Variants in THYN1 observed in about 807,000 individuals in gnomAD.
The protein encoded by THYN1 is thymocyte nuclear protein 1.
THYN1 carries 32 observed loss-of-function variants against 30.6 expected under a neutral mutation model. The observed-to-expected ratio is 1.05, with a 90% confidence interval of 0.79 to 1.40. The LOEUF (loss-of-function observed/expected upper bound fraction) is 1.40. Ranked by LOEUF, THYN1 falls within the 40% of genes most tolerant of loss-of-function variation. THYN1 has a pLI of 0.00. For synonymous variants in THYN1, 107 were observed against 90.8 expected (o/e 1.18, Z -1.01); for missense variants, 259 against 272.6 (o/e 0.95, Z 0.35).
At chr11:134,252,642 C>T (rs186105547) in intron 1 of THYN1, among the ~76,000 whole-genome samples, 198 bp downstream of exon 1, 1 of 152,174 alleles carries the variant, frequency 6.6e-6, no homozygotes, top group African/African-American at 2.4e-5. Flanking sequence ...ACAACCATTG[C>T]CTGAATAAAC....
At chr11:134,251,569 A>G (rs1939053564) in intron 1 of THYN1, 2 of 381,238 alleles carry the variant, frequency 5.2e-6, no homozygotes, top group Non-Finnish European at 9.3e-6. Flanking sequence ...AGGTCCGGAC[A>G]GTAGTCAATA....
In THYN1 at chr11:134,250,334, C is replaced by T. The variant is rs1430643526; in HGVS notation, c.232G>A (p.Glu78Lys). The T allele has an allele frequency of 2.5e-6, 4 of 1,614,040 alleles. No individual in the cohort carries two copies. Among genetic ancestry groups the T allele is most frequent in the Non-Finnish European group, 3.4e-6 (4 of 1,180,028 alleles). The change falls in exon 3 of 7, where the codon GAG becomes AAG. Residue 78 changes from glutamate (E) to lysine (K), a missense_variant. Glu to Lys is a moderately conservative substitution (Grantham distance 56). Transcript: ENST00000341541. ...EKGVDVKFSI[E>K]DLKAQPKQTT... is the part of the protein sequence containing the mutation. The stretch of plus-strand genomic sequence containing the variant: ...TGTTTGGGCTGTGCTTTGAGATCCT[C>T]AATGCTGAACTAGGCAAGAGGAAAT...
chr11:134,249,028 G>A (rs147965930), intron 5 of THYN1, 69 bp from the exon 6 acceptor site: 170 of 1,589,950 alleles, frequency 1.1e-4, no homozygotes, highest in Middle Eastern at 5.0e-4. Flanking sequence ...ATTTTTAACC[G>A]CCCACAGGAA....
Position 134,248,809 on chromosome 11 carries a change from C to A in THYN1, c.631G>T (p.Glu211Ter). 2 of 1,614,038 alleles carry A rather than the reference C, an allele frequency of 1.2e-6. No homozygotes were observed. Among genetic ancestry groups the A allele is most frequent in the Non-Finnish European group, 8.5e-7 (1 of 1,179,932 alleles). ...QRLSIQPLTQ[E>*]EFDFVLSLEE... is the part of the protein sequence containing the mutation. ...AATAAAGGAGAGGGCCCACTCTTAC[C>A]CTGGGTCAGGGGCTGGATTGATAAT... The change falls in exon 6 of 7, where the codon GAA (glutamate) becomes TAA (stop). Residue 211 changes from glutamate to a stop codon, truncating the protein, a stop_gained and splice_region_variant. Coordinates refer to ENST00000341541, the MANE Select transcript of THYN1 (RefSeq NM_014174.3). LOFTEE classifies it high-confidence loss of function.
At chr11:134,250,208 C>A in intron 3 of THYN1, 67 bp downstream of exon 3, 1 of 1,562,142 alleles carries the variant, frequency 6.4e-7, no homozygotes, top group Non-Finnish European at 8.8e-7. Context: ...CTACTGAGTA[C>A]GTCATGAGGA....
At position 134,248,483 on chromosome 11, in the gene THYN1, T is replaced by A; in HGVS notation, c.633A>T (p.Glu211Asp). Residue 211 changes from glutamate to aspartate, a missense_variant and splice_region_variant, in exon 7 of 7, where the codon GAA becomes GAT. Transcript: ENST00000341541. ...QRLSIQPLTQEEFDFVLSLEE... is the reference protein window; with the variant it reads ...QRLSIQPLTQDEFDFVLSLEE... The stretch of plus-strand genomic sequence containing the variant: ...CCAGGCTCAAAACAAAATCAAACTC[T>A]TCTACAAAAAAAAAAGGGAAAAAGG... 1 of 1,611,576 alleles carries A rather than the reference T, an allele frequency of 6.2e-7. No homozygotes were observed. Among genetic ancestry groups the A allele is most frequent in the Non-Finnish European group, 8.5e-7 (1 of 1,179,332 alleles).
rs1327079039 is a variant in THYN1, at chr11:134,251,135, C to T, written c.217G>A (p.Val73Met). The T allele has an allele frequency of 1.2e-6, 2 of 1,611,166 alleles. No individual in the cohort carries two copies. Among genetic ancestry groups the T allele is most frequent in the Non-Finnish European group, 1.7e-6 (2 of 1,179,020 alleles). Residue 73 changes from valine to methionine, a missense_variant, in exon 2 of 7, where the codon GTG becomes ATG. Transcript: ENST00000341541. The stretch of plus-strand genomic sequence containing the variant: ...AGACAGGTCAAGGGTCTCACCTTCA[C>T]ATCTACACCTTTCTCTAGGCGGCTC... ...PESRLEKGVDVKFSIEDLKAQ... is the reference protein window; with the variant it reads ...PESRLEKGVDMKFSIEDLKAQ...
chr11:134,248,776 A>T, intron 6 of THYN1, 33 bp downstream of exon 6: 1 of 1,612,626 alleles, frequency 6.2e-7, no homozygotes, highest in South Asian at 1.1e-5. Context: ...TCATTCTGGT[A>T]TATGGACAAT....
intron 1 of THYN1, chr11:134,251,801 G>A (rs1468662957): frequency 6.6e-6 from 1 of 152,502 alleles, no homozygotes; most frequent in African/African-American, 2.4e-5. Context: ...TCTGCTCCTT[G>A]AAGGTGCCAA....
At chr11:134,249,944 A>G (rs771981066) in intron 3 of THYN1, 24 bp from the exon 4 acceptor site, 7 of 1,603,310 alleles carry the variant, frequency 4.4e-6, no homozygotes, top group Admixed American at 1.7e-5. Context: ...AGAAAGAGTA[A>G]CTATCCTCCC....
rs1939212460 is a variant in THYN1, at chr11:134,253,231, T to C, written c.-349A>G. The C allele has an allele frequency of 3.8e-6, 5 of 1,322,986 alleles. No individual in the cohort carries two copies. In the Admixed American group the frequency reaches 1.8e-4, roughly 49 times the overall value. The allele number at this position is 1,322,986 out of a possible 1,614,324, so 82.0% of individuals were successfully genotyped here. On this transcript the variant is annotated 5_prime_UTR_variant, in exon 1 of 7. Coordinates refer to ENST00000341541, the MANE Select transcript of THYN1 (RefSeq NM_014174.3). ...TATAAGTAAGCCTTGTGTTACCTTGTTATCCTTGCTAATTAGGATCAACTG... is the reference window on the plus strand; with the variant it reads ...TATAAGTAAGCCTTGTGTTACCTTGCTATCCTTGCTAATTAGGATCAACTG...
At chr11:134,251,419 C>T (rs755203012) in intron 1 of THYN1, 111 bp from the exon 2 acceptor site, 24 of 1,219,130 alleles carry the variant, frequency 2.0e-5, no homozygotes, top group South Asian at 7.4e-5. Flanking sequence ...GGATCCATTA[C>T]CAGCTGTAGG....
intron 1 of THYN1, among the ~76,000 whole-genome samples, chr11:134,252,602 A>T (rs1202063982): frequency 6.6e-6 from 1 of 152,210 alleles, no homozygotes; most frequent in Non-Finnish European, 1.5e-5. Context: ...TTAGCACGCC[A>T]CCTGGTATCT....
intron 3 of THYN1, 62 bp downstream of exon 3, chr11:134,250,213 T>C (rs2136060698): frequency 6.3e-7 from 1 of 1,580,894 alleles, no homozygotes; most frequent in Non-Finnish European, 8.7e-7. Flanking sequence ...GAGTACGTCA[T>C]GAGGAGGAGG....
rs764265697 is a variant in THYN1 at position 134,252,892 on chromosome 11, G to A, written c.-10C>T. The A allele has an allele frequency of 6.3e-7, 1 of 1,589,090 alleles. No homozygotes were observed. Among genetic ancestry groups the A allele is most frequent in the African/African-American group, 1.4e-5 (1 of 72,976 alleles). ...TCCGGGGTCTCGACATGGTCACGCTGCAGGGGACTTTAGTGCGGACGATTC... is the reference window on the plus strand; with the variant it reads ...TCCGGGGTCTCGACATGGTCACGCTACAGGGGACTTTAGTGCGGACGATTC... On this transcript the variant is annotated 5_prime_UTR_variant, in exon 1 of 7. Transcript: ENST00000341541.
In THYN1 at chr11:134,253,328, G is replaced by C. The variant is rs950941274; in HGVS notation, c.-446C>G. ...CACTCTGCAGACTCGACTGCGGTCC[G>C]CCTCCGCTGCGCCGCAGGCTGTGCA... On this transcript the variant is annotated 5_prime_UTR_variant, in exon 1 of 7. Transcript: ENST00000341541. The C allele has an allele frequency of 5.0e-6, 7 of 1,400,074 alleles. No homozygotes were observed. The highest frequency in any genetic ancestry group is 2.6e-4 in the Middle Eastern group (1 of 3,788). 86.7% of individuals were successfully genotyped at this position (1,400,074 alleles called of 1,614,324 possible).
rs754228930 is a variant in THYN1, at chr11:134,249,905, T to A, written c.307A>T (p.Arg103Ter). ...GCTTCTTCTCCCAGCTTCATGGCTC[T>A]AAGGAAGTTCCGAGCCTGTCCCGGG... ...VRNYQARNFLRAMKLGEEAFF... is the reference protein window; with the variant it reads ...VRNYQARNFL Residue 103 changes from arginine (R) to a stop codon, truncating the protein, a stop_gained, in exon 4 of 7, where the codon AGA (arginine) becomes TGA (stop). Transcript: ENST00000341541. LOFTEE classifies it high-confidence loss of function. 1 of 1,613,988 alleles carries A rather than the reference T, an allele frequency of 6.2e-7. No individual in the cohort carries two copies. The highest frequency in any genetic ancestry group is 2.2e-5 in the East Asian group (1 of 44,874).
chr11:134,251,556 T>G (rs1939051422), intron 1 of THYN1: 1 of 439,620 alleles, frequency 2.3e-6, no homozygotes, highest in South Asian at 4.0e-5. Context: ...TGTTCAGGAT[T>G]AAAGGTCCGG....
chr11:134,249,139 G>A, intron 5 of THYN1, 28 bp downstream of exon 5: 1 of 1,598,252 alleles, frequency 6.3e-7, no homozygotes, highest in Non-Finnish European at 8.5e-7. Flanking sequence ...TCCTTCCCCT[G>A]TCATGAAATA....
Sources: gnomAD v4.1 joint callset for allele counts (sites outside exome capture counted in the v4.1 genomes callset) on GRCh38, gnomAD v4.1.1 for gene constraint, MANE v1.5 for transcripts, NCBI Gene and HGNC (gene_info 2026-07-23, HGNC 2026-07-21) for gene names.